The following EXOC6 variants were observed in gnomAD, a reference collection of about 807,000 sequenced individuals.
EXOC6 encodes the protein exocyst complex component 6, also known as SEC15-like 1.
A neutral mutation model predicts 112.5 loss-of-function variants in EXOC6; 60 were observed. The ratio of observed to expected loss-of-function variants is 0.53; its 90% CI spans 0.43 to 0.66. EXOC6 has a LOEUF of 0.66. Among genes scored for constraint, EXOC6 ranks in the 30% least tolerant of loss-of-function variants. EXOC6 has a pLI of 0.00. For synonymous variants in EXOC6, 295 were observed against 308.0 expected (o/e 0.96, Z 0.44); for missense variants, 855 against 957.1 (o/e 0.89, Z 1.41).
At chr10:92,932,090 G>T (rs1276688313) in intron 9 of EXOC6, among the ~76,000 whole-genome samples, 4 of 152,116 alleles carry the variant, frequency 2.6e-5, no homozygotes, top group Admixed American at 2.6e-4. Flanking sequence ...ACAAATTATT[G>T]TATGTTTTAT....
At chr10:92,958,969 A>C (rs564150541) in intron 17 of EXOC6, among the ~76,000 whole-genome samples, 7 of 151,902 alleles carry the variant, frequency 4.6e-5, no homozygotes, top group Admixed American at 3.9e-4. Context: ...TGGTGCGCAC[A>C]TGTAATCCCA....
At chr10:92,893,256 C>T in intron 1 of EXOC6, 93 bp from the exon 2 acceptor site, 1 of 879,990 alleles carries the variant, frequency 1.1e-6, no homozygotes, top group Non-Finnish European at 1.7e-6. Context: ...TTTATTTGTT[C>T]AGAGATTTAA....
chr10:92,899,482 T>G, intron 4 of EXOC6, 117 bp from the exon 5 acceptor site: 1 of 646,432 alleles, frequency 1.5e-6, no homozygotes, highest in South Asian at 2.2e-5. Context: ...TTAGCCTAAC[T>G]CAAGTTGTAG....
At chr10:92,975,509 C>T (rs541023572) in intron 18 of EXOC6, among the ~76,000 whole-genome samples, 6 of 149,902 alleles carry the variant, frequency 4.0e-5, no homozygotes, top group Non-Finnish European at 7.4e-5. Context: ...CCAGCCGCCC[C>T]GTCCAGGAGG....
At chr10:93,032,286 T>C (rs892661151) in intron 20 of EXOC6, among the ~76,000 whole-genome samples, 1 of 152,112 alleles carries the variant, frequency 6.6e-6, no homozygotes, top group Non-Finnish European at 1.5e-5. Context: ...CAGTGAGCTA[T>C]GATTGCACCA....
intron 20 of EXOC6, among the ~76,000 whole-genome samples, chr10:93,040,190 A>G (rs1165674236): frequency 6.6e-6 from 1 of 151,888 alleles, no homozygotes; most frequent in African/African-American, 2.4e-5. Context: ...CCTTGACCCT[A>G]TCTTTTGTAT....
At chr10:93,039,857 C>A (rs1220539715) in intron 20 of EXOC6, among the ~76,000 whole-genome samples, 1 of 152,180 alleles carries the variant, frequency 6.6e-6, no homozygotes, top group African/African-American at 2.4e-5. Flanking sequence ...TGGCAGAATG[C>A]TTTCTTCACC....
At chr10:92,934,666 G>A (rs1227900162) in intron 11 of EXOC6, among the ~76,000 whole-genome samples, 1 of 152,034 alleles carries the variant, frequency 6.6e-6, no homozygotes, top group Non-Finnish European at 1.5e-5. Context: ...GAAGAATTAA[G>A]CAGGTCTCAT....
intron 17 of EXOC6, among the ~76,000 whole-genome samples, chr10:92,971,716 T>A (rs1348331468): frequency 6.6e-6 from 1 of 152,184 alleles, no homozygotes; most frequent in African/African-American, 2.4e-5. Flanking sequence ...ATTGATGTAT[T>A]CTCATAATTT....
At chr10:93,035,975 CT>C (rs1845496330) in intron 20 of EXOC6, among the ~76,000 whole-genome samples, 1 of 152,220 alleles carries the variant, frequency 6.6e-6, no homozygotes, top group Non-Finnish European at 1.5e-5. Flanking sequence ...AATCCCAGCA[CT>C]TTGGGAGGCC....
At chr10:92,886,489 A>G (rs1476930204) in intron 1 of EXOC6, among the ~76,000 whole-genome samples, 1 of 152,196 alleles carries the variant, frequency 6.6e-6, no homozygotes, top group Non-Finnish European at 1.5e-5. Flanking sequence ...GTTGATCTTC[A>G]AAGGTGATCT....
chr10:92,952,629 C>T (rs1310684420), intron 15 of EXOC6, among the ~76,000 whole-genome samples: 1 of 152,134 alleles, frequency 6.6e-6, no homozygotes, highest in Non-Finnish European at 1.5e-5. Context: ...TCTCCAGTAT[C>T]TGTTGTTTCC....
intron 8 of EXOC6, among the ~76,000 whole-genome samples, chr10:92,920,273 T>G (rs1297522641): frequency 6.6e-6 from 1 of 152,224 alleles, no homozygotes; most frequent in Non-Finnish European, 1.5e-5. Context: ...AATAGTATAC[T>G]TCCATTTCTC....
intron 20 of EXOC6, 67 bp from the exon 21 acceptor site, chr10:93,056,857 A>G (rs1846565776): frequency 8.3e-6 from 7 of 844,488 alleles, no homozygotes; most frequent in Non-Finnish European, 1.2e-5. Flanking sequence ...CAAGGATAGC[A>G]TATAATTTAA....
chr10:93,058,316 G>A lies in EXOC6; in HGVS notation c.2376G>A (p.Gln792=), dbSNP rs753188348. Residue 792 remains glutamine (Q), a synonymous_variant, in exon 22 of 22, where the codon CAG becomes CAA. Transcript: ENST00000260762. ...KQKLIETVVK[Q]LRSLVNGMSQ... ...AGTTGATAGAGACAGTCGTGAAACA[G>A]CTGAGAAGTTTGGTGAATGGTATGT... The A allele has an allele frequency of 6.2e-7, 1 of 1,611,604 alleles. No homozygotes were observed. The highest frequency in any genetic ancestry group is 2.2e-5 in the East Asian group (1 of 44,722).
chr10:92,873,418 A>G (rs142836895), intron 1 of EXOC6, among the ~76,000 whole-genome samples: 1 of 152,284 alleles, frequency 6.6e-6, no homozygotes, highest in East Asian at 1.9e-4. Context: ...ACAGGATACT[A>G]TTTGTGAGAA....
intron 19 of EXOC6, among the ~76,000 whole-genome samples, chr10:93,004,183 A>G (rs1843879003): frequency 6.6e-6 from 1 of 152,228 alleles, no homozygotes; most frequent in Non-Finnish European, 1.5e-5. Context: ...GAGGGAATAC[A>G]TAAAAAGAGT....
chr10:92,999,892 CG>C (rs1211271050), intron 19 of EXOC6, among the ~76,000 whole-genome samples: 1 of 151,750 alleles, frequency 6.6e-6, no homozygotes, highest in African/African-American at 2.4e-5. Context: ...TTAATAGAGA[CG>C]GGGTTTCAAC....
At chr10:92,988,013 G>T (rs2134144737) in intron 18 of EXOC6, among the ~76,000 whole-genome samples, 1 of 152,208 alleles carries the variant, frequency 6.6e-6, no homozygotes, top group Non-Finnish European at 1.5e-5. Context: ...AAAGTGCTTG[G>T]CATATAATAA....
Sources: gnomAD v4.1 joint callset for allele counts (sites outside exome capture counted in the v4.1 genomes callset) on GRCh38, gnomAD v4.1.1 for gene constraint, MANE v1.5 for transcripts, NCBI Gene and HGNC (gene_info 2026-07-23, HGNC 2026-07-21) for gene names.